Variants in TTBK2 observed in about 807,000 individuals in gnomAD.
The protein encoded by TTBK2 is tau tubulin kinase 2.
Under a neutral mutation model 110.8 loss-of-function variants are expected in TTBK2, and 28 were observed. The observed-to-expected ratio is 0.25, with a 90% confidence interval of 0.19 to 0.35. TTBK2 has a LOEUF of 0.35. Among genes scored for constraint, TTBK2 ranks in the 10% least tolerant of loss-of-function variants. The pLI is 1.00. For synonymous variants in TTBK2, 532 were observed against 527.3 expected (o/e 1.01, Z -0.12); for missense variants, 1,369 against 1,500.3 (o/e 0.91, Z 1.45).
chr15:42,765,250 C>G (rs1352785618), intron 13 of TTBK2, among the ~76,000 whole-genome samples: 1 of 152,222 alleles, frequency 6.6e-6, no homozygotes, highest in African/African-American at 2.4e-5. Context: ...CGGAACAAAG[C>G]TGGACGGAGA....
chr15:42,917,311 TAA>T (rs2031134428), intron 1 of TTBK2, among the ~76,000 whole-genome samples: 1 of 152,038 alleles, frequency 6.6e-6, no homozygotes, highest in Admixed American at 6.6e-5. Flanking sequence ...GCATCAAGAA[TAA>T]AGTCACATGA....
intron 10 of TTBK2, 79 bp downstream of exon 10, chr15:42,794,565 G>C (rs1365952589): frequency 6.3e-7 from 1 of 1,596,098 alleles, no homozygotes; most frequent in Non-Finnish European, 8.6e-7. Context: ...GGTCATCTGA[G>C]GGAATCTGGA....
chr15:42,800,848 G>T, intron 9 of TTBK2: 1 of 591,974 alleles, frequency 1.7e-6, no homozygotes, highest in Non-Finnish European at 3.0e-6. Context: ...CTCGCGGATG[G>T]GCTGAGGGCT....
Position 42,884,971 on chromosome 15 carries a change from C to T in TTBK2, c.-67-6287G>A, listed in dbSNP as rs1399985441. Among the ~76,000 whole-genome samples the T allele has an allele frequency of 4.6e-5, 7 of 152,084 alleles. No individual in the cohort carries two copies. The East Asian group carries it at 1.2e-3, about 25-fold the overall frequency. On this transcript the variant is annotated intron_variant, in intron 1 of 14. Transcript: ENST00000267890. Reference sequence around the variant, plus strand: ...GAACATTCTTTGTAATTCTTCCCACCCTTGAGAATGTACTTTGTGAGATCT... The same window carrying T: ...GAACATTCTTTGTAATTCTTCCCACTCTTGAGAATGTACTTTGTGAGATCT...
intron 2 of TTBK2, 85 bp from the exon 3 acceptor site, chr15:42,872,843 G>T: frequency 1.4e-6 from 2 of 1,463,844 alleles, no homozygotes; most frequent in Non-Finnish European, 1.9e-6. Context: ...TTTAGAAAAT[G>T]TATAATTTTA....
At chr15:42,857,859 G>C (rs1894006482) in intron 3 of TTBK2, among the ~76,000 whole-genome samples, 1 of 151,956 alleles carries the variant, frequency 6.6e-6, no homozygotes, top group Non-Finnish European at 1.5e-5. Flanking sequence ...GAGGCAGGTG[G>C]ATCACCTGAG....
At chr15:42,763,579 T>C (rs533973367) in intron 13 of TTBK2, among the ~76,000 whole-genome samples, 1 of 152,224 alleles carries the variant, frequency 6.6e-6, no homozygotes, top group East Asian at 1.9e-4. Context: ...AAAGAAATGA[T>C]AAACGTTTGA....
chr15:42,783,380 G>C lies in TTBK2; in HGVS notation c.1197+39C>G, dbSNP rs752287432. 1.8e-5 allele frequency: 28 copies of C among 1,592,942 alleles called. No individual in the cohort carries two copies. In the Admixed American group the frequency reaches 3.5e-4, roughly 20 times the overall value. ...CTTGGACTTCCCAGCCTTCTGAACT[G>C]TAAGAAATAAATTTCTGTTGTTTAT... On this transcript the variant is annotated intron_variant, in intron 11 of 14. Coordinates refer to ENST00000267890, the MANE Select transcript of TTBK2 (RefSeq NM_173500.4).
chr15:42,806,071 C>T (rs894597483), intron 9 of TTBK2, among the ~76,000 whole-genome samples: 1 of 152,080 alleles, frequency 6.6e-6, no homozygotes. Context: ...TGAGACCAGC[C>T]TGGCCAACAT....
intron 9 of TTBK2, among the ~76,000 whole-genome samples, chr15:42,808,255 C>A (rs1204901854): frequency 1.3e-5 from 2 of 152,174 alleles, no homozygotes; most frequent in African/African-American, 4.8e-5. Context: ...TGGCCATGTG[C>A]AACGTGTTGA....
intron 1 of TTBK2, among the ~76,000 whole-genome samples, chr15:42,913,282 G>A (rs2030890992): frequency 1.3e-5 from 2 of 152,060 alleles, no homozygotes; most frequent in South Asian, 2.1e-4. Context: ...CAACTTTCAG[G>A]GGAGGTAAAT....
rs996012114 is a variant in TTBK2, at chr15:42,746,196, C to G, written c.3334G>C (p.Ala1112Pro). 6 of 1,614,036 alleles carry G rather than the reference C, an allele frequency of 3.7e-6. No individual in the cohort carries two copies. Among genetic ancestry groups the G allele is most frequent in the Non-Finnish European group, 5.1e-6 (6 of 1,180,004 alleles). Reference sequence around the variant, plus strand: ...TGAGATCCATTTTGAAGAATTTGGGCCAGGCGGGAGAAAAGGTCTGAGTCG... The same window carrying G: ...TGAGATCCATTTTGAAGAATTTGGGGCAGGCGGGAGAAAAGGTCTGAGTCG... ...NSDSDLFSRL[A>P]QILQNGSQKP... Residue 1112 changes from alanine to proline, a missense_variant, in exon 15 of 15, where the codon GCC (alanine) becomes CCC (proline). Physicochemically the swap from Ala to Pro is conservative, Grantham distance 27. Coordinates refer to ENST00000267890, the MANE Select transcript of TTBK2 (RefSeq NM_173500.4).
intron 9 of TTBK2, among the ~76,000 whole-genome samples, chr15:42,805,323 G>A (rs570198523): frequency 3.9e-5 from 6 of 152,274 alleles, no homozygotes; most frequent in African/African-American, 1.4e-4. Context: ...ACAAAACAAA[G>A]TACTGCTGCT....
intron 14 of TTBK2, among the ~76,000 whole-genome samples, chr15:42,748,875 C>T (rs2061829653): frequency 6.6e-6 from 1 of 151,942 alleles, no homozygotes; most frequent in Non-Finnish European, 1.5e-5. Context: ...TTGTATATAC[C>T]ATCAGACCTA....
intron 10 of TTBK2, among the ~76,000 whole-genome samples, chr15:42,792,591 G>A (rs998326261): frequency 2.6e-5 from 4 of 151,610 alleles, no homozygotes; most frequent in African/African-American, 9.7e-5. Context: ...TTATTTTTTG[G>A]GATCGAAAGA....
chr15:42,807,515 C>T (rs1460126100), intron 9 of TTBK2, among the ~76,000 whole-genome samples: 1 of 152,020 alleles, frequency 6.6e-6, no homozygotes, highest in Non-Finnish European at 1.5e-5. Flanking sequence ...CTCAAGTAAC[C>T]CTCCCATCTC....
At chr15:42,763,456 C>A (rs1041844584) in intron 13 of TTBK2, among the ~76,000 whole-genome samples, 1 of 150,984 alleles carries the variant, frequency 6.6e-6, no homozygotes, top group African/African-American at 2.4e-5. Flanking sequence ...TCAGGTAATC[C>A]ACCTGCCTCA....
intron 1 of TTBK2, among the ~76,000 whole-genome samples, chr15:42,917,940 A>T (rs2141225919): frequency 6.6e-6 from 1 of 151,958 alleles, no homozygotes; most frequent in South Asian, 2.1e-4. Context: ...ATTTTTTTTT[A>T]AGTGTGGAAA....
chr15:42,791,599 G>A (rs531860091), intron 10 of TTBK2, among the ~76,000 whole-genome samples: 1 of 151,250 alleles, frequency 6.6e-6, no homozygotes, highest in African/African-American at 2.4e-5. Flanking sequence ...TTTTGTCTTT[G>A]CCTTCTATTT....
Sources: gnomAD v4.1 joint callset for allele counts (sites outside exome capture counted in the v4.1 genomes callset) on GRCh38, gnomAD v4.1.1 for gene constraint, MANE v1.5 for transcripts, NCBI Gene and HGNC (gene_info 2026-07-23, HGNC 2026-07-21) for gene names.